Variants in CEP78 observed in about 807,000 individuals in gnomAD.
CEP78 encodes centrosomal protein of 78 kDa.
CEP78 carries 76 observed loss-of-function variants against 81.2 expected under a neutral mutation model. The ratio of observed to expected loss-of-function variants is 0.94; its 90% confidence interval spans 0.78 to 1.13. The LOEUF is 1.13. Ranked by LOEUF, CEP78 falls within the 50% of genes most tolerant of loss-of-function variation. CEP78 has a pLI of 0.00. For missense variants in CEP78, 918 were observed against 846.8 expected (o/e 1.08, Z -1.04); for synonymous variants, 293 against 301.4 (o/e 0.97, Z 0.29).
At chr9:78,266,257 A>C (rs1405454863) in intron 15 of CEP78, among the ~76,000 whole-genome samples, 185 bp from the exon 16 acceptor site, 1 of 152,174 alleles carries the variant, frequency 6.6e-6, no homozygotes, top group East Asian at 1.9e-4. Flanking sequence ...CAGAAGTCTG[A>C]AAATGTGCTG....
chr9:78,252,675 A>G (rs7021098), intron 9 of CEP78, among the ~76,000 whole-genome samples: 48,506 of 152,140 alleles, frequency 0.32, 8,468 homozygotes, highest in Middle Eastern at 0.43. Flanking sequence ...CAATTGCTTA[A>G]GAAAACAAAG....
intron 16 of CEP78, 84 bp from the exon 17 acceptor site, chr9:78,270,757 A>G: frequency 1.6e-6 from 1 of 624,250 alleles, no homozygotes; most frequent in East Asian, 3.0e-5. Context: ...ATAGGAGATG[A>G]TTGGTTTTTT....
Position 78,276,789 on chromosome 9 carries a change from T to A in CEP78, c.*5938T>A, listed in dbSNP as rs1448303713. ...TATAAAAGAAACACAAAAATAGAGG[T>A]ATGCCATGTATAAGACCCAACATAA... is the stretch of plus-strand genomic sequence containing the variant. On this transcript the variant is annotated 3_prime_UTR_variant, in exon 17 of 17. Coordinates refer to ENST00000643273, the MANE Select transcript of CEP78 (RefSeq NM_001330691.3). 1.3e-5 allele frequency: 2 copies of A among 152,096 alleles called. No individual in the cohort carries two copies. Among genetic ancestry groups the A allele is most frequent in the African/African-American group, 4.8e-5 (2 of 41,416 alleles). 9.4% of individuals were successfully genotyped at this position (152,096 alleles called of 1,614,324 possible). A position where few individuals can be genotyped will look rare whatever the true frequency, so the allele number is the denominator to read the frequency against.
At chr9:78,269,710 G>A (rs1265455628) in intron 16 of CEP78, among the ~76,000 whole-genome samples, 2 of 152,188 alleles carry the variant, frequency 1.3e-5, no homozygotes, top group Admixed American at 6.5e-5. Flanking sequence ...TAAATTGAGG[G>A]GCAGGAATGC....
rs188290503 is a variant in CEP78 at position 78,254,930 on chromosome 9, C to T, written c.1346C>T (p.Pro449Leu). 8.1e-6 allele frequency: 13 copies of T among 1,611,270 alleles called. No individual in the cohort carries two copies. Among genetic ancestry groups the T allele is most frequent in the African/African-American group, 1.3e-5 (1 of 74,898 alleles). The stretch of plus-strand genomic sequence containing the variant: ...TCTTCAGAGAGTGTTCATGAAGTGC[C>T]TGAGAAAACTAGTATAGAACAAGAA... ...DDSSESVHEV[P>L]EKTSIEQEAL... Residue 449 changes from proline (P) to leucine (L), a missense_variant, in exon 11 of 17, where the codon CCT becomes CTT. Coordinates refer to ENST00000643273, the MANE Select transcript of CEP78 (RefSeq NM_001330691.3).
rs774205882 is a variant in CEP78, at chr9:78,241,766, G to C, written c.570G>C (p.Trp190Cys). The C allele has an allele frequency of 1.9e-6, 3 of 1,608,102 alleles. No individual in the cohort carries two copies. The South Asian group carries it at 3.3e-5, about 18-fold the overall frequency. ...ACTTCACAGGATGTAATCTGACATGGCAGGGAGCAGATCACATGGCCAAGA... is the reference window on the plus strand; with the variant it reads ...ACTTCACAGGATGTAATCTGACATGCCAGGGAGCAGATCACATGGCCAAGA... ...TVNFTGCNLT[W>C]QGADHMAKIL... is the part of the protein sequence containing the mutation. The change falls in exon 4 of 17, where the codon TGG (tryptophan) becomes TGC (cysteine). Residue 190 changes from tryptophan to cysteine, a missense_variant. By Grantham distance (215) the Trp-to-Cys change is radical. Coordinates refer to ENST00000643273, the MANE Select transcript of CEP78 (RefSeq NM_001330691.3).
intron 5 of CEP78, among the ~76,000 whole-genome samples, chr9:78,245,382 G>T (rs1170343456): frequency 6.6e-6 from 1 of 152,032 alleles, no homozygotes; most frequent in East Asian, 1.9e-4. Context: ...AAATGGTGGC[G>T]AGAGAGAACT....
At chr9:78,256,282 A>G (rs1282582012) in intron 11 of CEP78, among the ~76,000 whole-genome samples, 3 of 152,320 alleles carry the variant, frequency 2.0e-5, no homozygotes, top group East Asian at 1.9e-4. Flanking sequence ...TGTGACTAAC[A>G]TGGAGGGAGC....
chr9:78,266,009 T>C, intron 15 of CEP78, 103 bp downstream of exon 15: 1 of 659,910 alleles, frequency 1.5e-6, no homozygotes, highest in Non-Finnish European at 2.8e-6. Flanking sequence ...GGGGCAAACC[T>C]GTCTGCCACA....
rs371411793 is a variant in CEP78 at position 78,265,886 on chromosome 9, A to G, written c.1825A>G (p.Asn609Asp). ...QVSICMQSAY[N>D]EGTLMKFQKI... ...TTCTATTTGTATGCAGTCAGCTTAC[A>G]ATGAAGGAACACTAATGAAGGTACA... is the stretch of plus-strand genomic sequence containing the variant. Residue 609 changes from asparagine (N) to aspartate (D), a missense_variant, in exon 15 of 17, where the codon AAT becomes GAT. Physicochemically the swap from Asn to Asp is conservative, Grantham distance 23. Coordinates refer to ENST00000643273, the MANE Select transcript of CEP78 (RefSeq NM_001330691.3). 8.7e-5 allele frequency: 122 copies of G among 1,398,084 alleles called. No individual in the cohort carries two copies. The highest frequency in any genetic ancestry group is 1.2e-4 in the Non-Finnish European group (116 of 1,006,780). The allele number at this position is 1,398,084 out of a possible 1,614,324, so 86.6% of individuals were successfully genotyped here.
intron 8 of CEP78, among the ~76,000 whole-genome samples, chr9:78,250,877 G>A (rs548843323): frequency 6.6e-6 from 1 of 152,196 alleles, no homozygotes; most frequent in African/African-American, 2.4e-5. Context: ...GTATAAATTT[G>A]TCCAGAGAAA....
At chr9:78,250,386 G>A in intron 8 of CEP78, 1 of 394,998 alleles carries the variant, frequency 2.5e-6, no homozygotes, top group Non-Finnish European at 4.5e-6. Context: ...CAGAAGATAG[G>A]AAACTTTATA....
At chr9:78,252,177 G>T in intron 9 of CEP78, 134 bp downstream of exon 9, 1 of 727,812 alleles carries the variant, frequency 1.4e-6, no homozygotes, top group Middle Eastern at 3.4e-4. Context: ...TCTGCCTCAT[G>T]AATCCTTTAA....
chr9:78,252,484 G>GAATC (rs149402696), intron 9 of CEP78, among the ~76,000 whole-genome samples: 1,815 of 152,120 alleles, frequency 0.012, 22 homozygotes, highest in Non-Finnish European at 0.013. Flanking sequence ...TCATTTTAGT[G>GAATC]AATCAAACCA....
At position 78,272,909 on chromosome 9, in the gene CEP78, GTCAC is replaced by G. The variant is rs1036179520; in HGVS notation, c.*2060_*2063del. 25 of 152,288 alleles carry G rather than the reference GTCAC, an allele frequency of 1.6e-4. No individual in the cohort carries two copies. Among genetic ancestry groups the G allele is most frequent in the African/African-American group, 5.8e-4 (24 of 41,560 alleles). 9.4% of individuals were successfully genotyped at this position (152,288 alleles called of 1,614,324 possible). On this transcript the variant is annotated 3_prime_UTR_variant, in exon 17 of 17. Coordinates refer to ENST00000643273, the MANE Select transcript of CEP78 (RefSeq NM_001330691.3). The stretch of plus-strand genomic sequence containing the variant: ...AAGCTTCTGTCTAGATGTGACATAT[GTCAC>G]TTCTGTTCACATTTCTTTGGCCAAA...
At chr9:78,246,052 A>C (rs1013979193) in intron 5 of CEP78, among the ~76,000 whole-genome samples, 20 of 152,174 alleles carry the variant, frequency 1.3e-4, no homozygotes, top group African/African-American at 4.6e-4. Flanking sequence ...TTATGAACAA[A>C]TATTCATTCT....
chr9:78,250,394 A>G (rs1228872776), intron 8 of CEP78: 2 of 393,648 alleles, frequency 5.1e-6, no homozygotes, highest in Non-Finnish European at 8.9e-6. Context: ...AGGAAACTTT[A>G]TAATTTTTTT....
Position 78,275,308 on chromosome 9 carries a change from T to C in CEP78, c.*4457T>C, listed in dbSNP as rs1455482101. ...GAAATTGAAAAAATAGGACAAGAAC[T>C]TATTTTTAAAAAGAGGCCAGGTGCG... On this transcript the variant is annotated 3_prime_UTR_variant, in exon 17 of 17. Coordinates refer to ENST00000643273, the MANE Select transcript of CEP78 (RefSeq NM_001330691.3). 1 of 152,098 alleles carries C rather than the reference T, an allele frequency of 6.6e-6. No individual in the cohort carries two copies. The highest frequency in any genetic ancestry group is 1.9e-4 in the East Asian group (1 of 5,198). The allele number at this position is 152,098 out of a possible 1,614,324, so 9.4% of individuals were successfully genotyped here.
At chr9:78,237,141 C>T (rs553081624) in intron 1 of CEP78, among the ~76,000 whole-genome samples, 1 of 151,650 alleles carries the variant, frequency 6.6e-6, no homozygotes, top group South Asian at 2.1e-4. Flanking sequence ...CCACCATGCC[C>T]GGCTAATTTT....
Sources: allele counts gnomAD v4.1 joint callset (sites outside exome capture counted in the v4.1 genomes callset), GRCh38; gene constraint gnomAD v4.1.1; transcripts MANE v1.5; gene names NCBI Gene and HGNC (gene_info 2026-07-23, HGNC 2026-07-21).